The following ARHGEF4 variants were observed in gnomAD, a reference collection of about 807,000 sequenced individuals.
ARHGEF4 encodes Rho guanine nucleotide exchange factor 4.
A neutral mutation model predicts 162.0 loss-of-function variants in ARHGEF4; 119 were observed. The observed-to-expected ratio is 0.73, with a 90% CI of 0.63 to 0.86. ARHGEF4 has a LOEUF of 0.86. Ranked by LOEUF, ARHGEF4 falls within the 40% of genes least tolerant of loss-of-function variation. The pLI is 0.00. For missense variants in ARHGEF4, 2,488 were observed against 2,456.0 expected (o/e 1.01, Z -0.28); for synonymous variants, 1,014 against 979.9 (o/e 1.03, Z -0.65).
intron 2 of ARHGEF4, among the ~76,000 whole-genome samples, chr2:130,918,079 A>C (rs577444669): frequency 6.6e-6 from 1 of 152,180 alleles, no homozygotes; most frequent in South Asian, 2.1e-4. Flanking sequence ...CTCGGCCGGC[A>C]CTGCCCATTT....
intron 5 of ARHGEF4, chr2:131,035,173 C>G (rs1411353362): frequency 1.6e-6 from 2 of 1,220,768 alleles, no homozygotes; most frequent in Non-Finnish European, 2.0e-6. Context: ...CAACCTGCCC[C>G]CCGGCGCCCA....
intron 4 of ARHGEF4, among the ~76,000 whole-genome samples, chr2:130,976,039 A>G (rs190866648): frequency 2.9e-4 from 44 of 151,988 alleles, no homozygotes; most frequent in African/African-American, 1.0e-3. Context: ...CCCAGGGTCG[A>G]CCTCAGGTCT....
chr2:130,904,895 A>G (rs1680724318), intron 1 of ARHGEF4, among the ~76,000 whole-genome samples: 1 of 152,132 alleles, frequency 6.6e-6, no homozygotes, highest in Non-Finnish European at 1.5e-5. Flanking sequence ...CCTGGCCAAC[A>G]TGGCGAAACC....
At chr2:130,980,901 C>G (rs1048073822) in intron 4 of ARHGEF4, among the ~76,000 whole-genome samples, 10 of 152,078 alleles carry the variant, frequency 6.6e-5, no homozygotes, top group Non-Finnish European at 1.3e-4. Flanking sequence ...AACCATGTAC[C>G]CATATCACAG....
At position 130,917,228 on chromosome 2, in the gene ARHGEF4, C is replaced by T. The variant is rs532382748; in HGVS notation, c.3282C>T (p.Pro1094=). 1 of 1,550,540 alleles carries T rather than the reference C, an allele frequency of 6.4e-7. No individual in the cohort carries two copies. Among genetic ancestry groups the T allele is most frequent in the East Asian group, 2.4e-5 (1 of 40,878 alleles). ...GTPCRPTSPK[P]LSPRPSAQRM... is the part of the protein sequence containing the mutation. Reference sequence around the variant, plus strand: ...CCTGCAGACCCACGAGCCCCAAGCCCCTGAGTCCCAGGCCTAGTGCTCAGC... The same window carrying T: ...CCTGCAGACCCACGAGCCCCAAGCCTCTGAGTCCCAGGCCTAGTGCTCAGC... Residue 1094 remains proline (P), a synonymous_variant, in exon 2 of 14, where the codon CCC becomes CCT. Coordinates refer to ENST00000409359, the MANE Select transcript of ARHGEF4 (RefSeq NM_001367493.1).
intron 1 of ARHGEF4, among the ~76,000 whole-genome samples, chr2:130,878,205 C>T (rs371434296): frequency 6.6e-6 from 1 of 152,024 alleles, no homozygotes; most frequent in African/African-American, 2.4e-5. Context: ...CTTTTTTTTA[C>T]AACCCATTCA....
At chr2:130,882,894 A>G (rs1035478935) in intron 1 of ARHGEF4, among the ~76,000 whole-genome samples, 1 of 151,968 alleles carries the variant, frequency 6.6e-6, no homozygotes, top group Non-Finnish European at 1.5e-5. Context: ...AGGGCTGGAC[A>G]TCTTGTCTAG....
intron 4 of ARHGEF4, among the ~76,000 whole-genome samples, chr2:131,009,304 A>G (rs954179745): frequency 1.3e-5 from 2 of 152,182 alleles, no homozygotes; most frequent in Admixed American, 6.5e-5. Context: ...TTGTTACAGT[A>G]TCTCTGTCTT....
At chr2:131,017,766 TAGC>T (rs1291942161) in intron 4 of ARHGEF4, among the ~76,000 whole-genome samples, 2 of 152,164 alleles carry the variant, frequency 1.3e-5, no homozygotes, top group African/African-American at 2.4e-5. Flanking sequence ...TTGTTTAAAA[TAGC>T]AGAGAACTGA....
In ARHGEF4 at chr2:131,029,608, T is replaced by G. The variant is rs189161437; in HGVS notation, c.4125+1524T>G. Among the ~76,000 whole-genome samples the G allele has an allele frequency of 3.4e-3, 519 of 150,670 alleles. 7 individuals are homozygous for G. Among genetic ancestry groups the G allele is most frequent in the East Asian group, 0.011 (57 of 5,014 alleles). The stretch of plus-strand genomic sequence containing the variant: ...TCTTGTCGCCCAGGCTGGAGTGCAT[T>G]GGCACAGTGGTCTCGGCTAACTGCC... On this transcript the variant is annotated intron_variant, in intron 5 of 13. Transcript: ENST00000409359.
At chr2:130,885,974 A>G (rs1212708663) in intron 1 of ARHGEF4, among the ~76,000 whole-genome samples, 1 of 152,102 alleles carries the variant, frequency 6.6e-6, no homozygotes, top group African/African-American at 2.4e-5. Flanking sequence ...CTGTGAATCA[A>G]GAGACTGTTC....
chr2:130,856,772 G>C (rs947635591), intron 1 of ARHGEF4, among the ~76,000 whole-genome samples: 2 of 152,090 alleles, frequency 1.3e-5, no homozygotes, highest in South Asian at 4.1e-4. Flanking sequence ...CCTGCACGTT[G>C]TGCACATGTA....
chr2:130,976,332 CGTGTGTGTGTGTGTGTCTGT>C (rs1162979819), intron 4 of ARHGEF4, among the ~76,000 whole-genome samples: 2 of 106,818 alleles, frequency 1.9e-5, no homozygotes, highest in African/African-American at 2.9e-5. Flanking sequence ...GCCCCAGAAT[CGTGTGTGTGTGTGTGTCTGT>C]GTGTGTGTGT....
intron 1 of ARHGEF4, among the ~76,000 whole-genome samples, chr2:130,873,179 T>C (rs1298652119): frequency 6.6e-6 from 1 of 152,234 alleles, no homozygotes; most frequent in African/African-American, 2.4e-5. Context: ...CTGTCTGTGC[T>C]GTGTCTTCAT....
chr2:130,944,444 G>A (rs1207408596), intron 3 of ARHGEF4, among the ~76,000 whole-genome samples: 1 of 152,042 alleles, frequency 6.6e-6, no homozygotes, highest in Non-Finnish European at 1.5e-5. Flanking sequence ...AAGTTCTATT[G>A]GGATTTTTTC....
intron 1 of ARHGEF4, among the ~76,000 whole-genome samples, chr2:130,904,565 T>C (rs947540232): frequency 3.3e-5 from 5 of 152,194 alleles, no homozygotes; most frequent in African/African-American, 1.2e-4. Context: ...GAGATTCTTC[T>C]GTATGTCAGA....
Position 131,041,284 on chromosome 2 carries a change from G to A in ARHGEF4, c.4717G>A (p.Val1573Met). 1.2e-6 allele frequency: 2 copies of A among 1,613,906 alleles called. No homozygotes were observed. Among genetic ancestry groups the A allele is most frequent in the Non-Finnish European group, 1.7e-6 (2 of 1,180,020 alleles). The change falls in exon 9 of 14, where the codon GTG (valine) becomes ATG (methionine). Residue 1573 changes from valine (V) to methionine (M), a missense_variant. Coordinates refer to ENST00000409359, the MANE Select transcript of ARHGEF4 (RefSeq NM_001367493.1). ...EYCNNHPNAC[V>M]ELSRLTKLSK... ...CTGCAATAACCACCCCAACGCCTGC[G>A]TGGAGCTCTCCCGGCTCACCAAGCT...
At chr2:130,905,483 G>T (rs531427665) in intron 1 of ARHGEF4, among the ~76,000 whole-genome samples, 1 of 152,152 alleles carries the variant, frequency 6.6e-6, no homozygotes, top group African/African-American at 2.4e-5. Context: ...TTACTGTGGA[G>T]TTCTCATGGT....
chr2:130,908,008 A>G (rs1000483057), intron 1 of ARHGEF4, among the ~76,000 whole-genome samples: 5 of 151,778 alleles, frequency 3.3e-5, no homozygotes, highest in African/African-American at 1.2e-4. Flanking sequence ...TAATTTTTCC[A>G]TTCACTTTGG....
Sources: allele counts gnomAD v4.1 joint callset (sites outside exome capture counted in the v4.1 genomes callset), GRCh38; gene constraint gnomAD v4.1.1; transcripts MANE v1.5; gene names NCBI Gene and HGNC (gene_info 2026-07-23, HGNC 2026-07-21).